LRRC7: variants seen among roughly 807,000 people sequenced by gnomAD.
LRRC7 encodes leucine-rich repeat-containing protein 7.
A neutral mutation model predicts 175.7 loss-of-function variants in LRRC7; 23 were observed. That is an observed-to-expected ratio of 0.13 (90% confidence interval 0.09 to 0.19). The LOEUF (loss-of-function observed/expected upper bound fraction) is 0.19, where lower values mean the gene tolerates loss of function less well. Among genes scored for constraint, LRRC7 ranks in the 10% least tolerant of loss-of-function variants. The pLI, the probability that LRRC7 is intolerant of heterozygous loss-of-function variation, is 1.00. For missense variants in LRRC7, 1,354 were observed against 1,904.7 expected (o/e 0.71, Z 5.38); for synonymous variants, 685 against 680.9 (o/e 1.01, Z -0.09).
At chr1:69,801,629 G>A (rs79171886) in intron 4 of LRRC7, among the ~76,000 whole-genome samples, 20,909 of 151,380 alleles carry the variant, frequency 0.14, 2,120 homozygotes, top group East Asian at 0.5. Context: ...AGTCTAGCTC[G>A]TAGTCTATCA....
chr1:69,811,178 A>G (rs548024057), intron 4 of LRRC7, among the ~76,000 whole-genome samples: 1 of 152,334 alleles, frequency 6.6e-6, no homozygotes, highest in African/African-American at 2.4e-5. Flanking sequence ...AAAGCTCATC[A>G]TCACTGGTCA....
At chr1:70,120,779 TAATC>T (rs2102243552) in intron 26 of LRRC7, among the ~76,000 whole-genome samples, 1 of 152,210 alleles carries the variant, frequency 6.6e-6, no homozygotes, top group East Asian at 1.9e-4. Flanking sequence ...CCTCTTTTCT[TAATC>T]AACTGAGTCT....
intron 8 of LRRC7, among the ~76,000 whole-genome samples, chr1:69,949,710 T>A (rs1649720297): frequency 6.6e-6 from 1 of 152,186 alleles, no homozygotes; most frequent in Non-Finnish European, 1.5e-5. Context: ...TATATATACA[T>A]GCATATACTT....
chr1:69,980,338 A>G (rs1219884541), intron 8 of LRRC7, 41 bp from the exon 9 acceptor site: 1 of 1,471,806 alleles, frequency 6.8e-7, no homozygotes, highest in South Asian at 1.2e-5. Context: ...AACTAATTTA[A>G]TTTTGTTTTC....
chr1:69,701,570 T>C (rs1663362735), intron 2 of LRRC7, among the ~76,000 whole-genome samples: 1 of 152,248 alleles, frequency 6.6e-6, no homozygotes, highest in Admixed American at 6.5e-5. Flanking sequence ...ATTATAATGA[T>C]AGCATTTTAA....
chr1:69,589,117 T>G (rs111916110), intron 1 of LRRC7, among the ~76,000 whole-genome samples: 59 of 13,494 alleles, frequency 4.4e-3, no homozygotes, highest in African/African-American at 0.013. Flanking sequence ...ATAAAAAGGG[T>G]GTGTGTGTGT....
chr1:69,917,517 G>C (rs1646756772), intron 7 of LRRC7, among the ~76,000 whole-genome samples: 1 of 152,092 alleles, frequency 6.6e-6, no homozygotes, highest in African/African-American at 2.4e-5. Flanking sequence ...TTACTTTTCT[G>C]ACAATCAGTA....
intron 7 of LRRC7, among the ~76,000 whole-genome samples, chr1:69,841,885 A>T (rs543688036): frequency 3.9e-5 from 6 of 152,246 alleles, no homozygotes; most frequent in Non-Finnish European, 8.8e-5. Flanking sequence ...GAAGCCAAAC[A>T]TTATAATCAG....
chr1:70,024,190 A>G (rs547046819), intron 17 of LRRC7, among the ~76,000 whole-genome samples: 1 of 152,184 alleles, frequency 6.6e-6, no homozygotes, highest in East Asian at 1.9e-4. Context: ...TCGAAGTAAT[A>G]TAATATTTAA....
chr1:70,039,693 C>T lies in LRRC7; in HGVS notation c.3869C>T (p.Thr1290Met), dbSNP rs778998569. The change falls in exon 21 of 27, where the codon ACG becomes ATG. Residue 1290 changes from threonine (T) to methionine (M), a missense_variant. Physicochemically the swap from Thr to Met is moderately conservative, Grantham distance 81. Transcript: ENST00000651989. The part of the protein sequence containing the change: ...DKPSDNSDLK[T>M]RPTPVKGEES... ...CCATCAGATAACAGTGATTTAAAGA[C>T]GAGGCCTACTCCTGTGAAGGGAGAG... is the stretch of plus-strand genomic sequence containing the variant. The T allele has an allele frequency of 8.1e-6, 13 of 1,613,958 alleles. No homozygotes were observed. Among genetic ancestry groups the T allele is most frequent in the South Asian group, 1.1e-5 (1 of 91,088 alleles).
intron 4 of LRRC7, among the ~76,000 whole-genome samples, chr1:69,816,359 C>T (rs1397795593): frequency 1.3e-5 from 2 of 151,396 alleles, no homozygotes; most frequent in African/African-American, 4.9e-5. Context: ...AAATGCCTCA[C>T]CTCTTAAAAA....
intron 23 of LRRC7, among the ~76,000 whole-genome samples, chr1:70,056,852 A>G (rs1486629026): frequency 6.6e-6 from 1 of 152,192 alleles, no homozygotes; most frequent in Non-Finnish European, 1.5e-5. Context: ...CTTTGGAAAT[A>G]GTGAGGGAAA....
intron 1 of LRRC7, among the ~76,000 whole-genome samples, chr1:69,662,050 G>A (rs907131786): frequency 6.6e-6 from 1 of 152,126 alleles, no homozygotes; most frequent in Non-Finnish European, 1.5e-5. Flanking sequence ...TTGCTCAGGT[G>A]GGAAGATTGT....
chr1:69,570,187 G>A (rs1645682322), intron 1 of LRRC7, among the ~76,000 whole-genome samples: 1 of 152,092 alleles, frequency 6.6e-6, no homozygotes, highest in Non-Finnish European at 1.5e-5. Context: ...GTGCATTCCA[G>A]CGAAAGCAGG....
At chr1:70,035,618 G>C (rs1316577096) in intron 18 of LRRC7, among the ~76,000 whole-genome samples, 1 of 117,304 alleles carries the variant, frequency 8.5e-6, no homozygotes, top group Non-Finnish European at 1.7e-5. Flanking sequence ...ATGTAGCTAG[G>C]GATGCACAAA....
chr1:69,952,292 TATG>T lies in LRRC7; in HGVS notation c.711+20725_711+20727del, dbSNP rs1650021252. On this transcript the variant is annotated intron_variant, in intron 8 of 26. Coordinates refer to ENST00000651989, the MANE Select transcript of LRRC7 (RefSeq NM_001370785.2). ...AGAACTTATAGAATATTGTCAAACATATGATATGTTTTTAGTAAATATTTATTC... is the reference window on the plus strand; with the variant it reads ...AGAACTTATAGAATATTGTCAAACATATATGTTTTTAGTAAATATTTATTC... 2.0e-5 allele frequency among the ~76,000 whole-genome samples: 3 copies of T among 152,086 alleles called. No individual in the cohort carries two copies. In the South Asian group the frequency reaches 6.2e-4, roughly 31 times the overall value.
intron 11 of LRRC7, among the ~76,000 whole-genome samples, chr1:69,996,166 A>G (rs1259107174): frequency 1.3e-5 from 2 of 151,112 alleles, no homozygotes; most frequent in Non-Finnish European, 2.9e-5. Flanking sequence ...GATGGTGAGC[A>G]TTTTTTCATG....
At chr1:69,848,924 G>T (rs1682673007) in intron 7 of LRRC7, among the ~76,000 whole-genome samples, 1 of 151,352 alleles carries the variant, frequency 6.6e-6, no homozygotes, top group Non-Finnish European at 1.5e-5. Context: ...GTCCTTTCAT[G>T]GATTTTAAAA....
In LRRC7 at chr1:69,690,752, T is replaced by A. The variant is rs183641176; in HGVS notation, c.100+12274T>A. Among the ~76,000 whole-genome samples the A allele has an allele frequency of 2.0e-5, 3 of 152,084 alleles. No homozygotes were observed. The East Asian group carries it at 5.8e-4, about 29-fold the overall frequency. On this transcript the variant is annotated intron_variant, in intron 2 of 26. Coordinates refer to ENST00000651989, the MANE Select transcript of LRRC7 (RefSeq NM_001370785.2). ...AATGACCACAGAGCAGAGCACCAAG[T>A]GCGGAGATGAAGGAGACCCTCAAAT...
Sources: allele counts gnomAD v4.1 joint callset (sites outside exome capture counted in the v4.1 genomes callset), GRCh38; gene constraint gnomAD v4.1.1; transcripts MANE v1.5; gene names NCBI Gene and HGNC (gene_info 2026-07-23, HGNC 2026-07-21).